DLGAP3: variants seen among roughly 807,000 people sequenced by gnomAD.
DLGAP3 encodes the protein disks large-associated protein 3.
DLGAP3 carries 17 observed loss-of-function variants against 81.2 expected under a neutral mutation model. That is an observed-to-expected ratio of 0.21 (90% CI 0.14 to 0.31). The LOEUF (loss-of-function observed/expected upper bound fraction) is 0.31, where lower values mean the gene tolerates loss of function less well. Among genes scored for constraint, DLGAP3 ranks in the 10% least tolerant of loss-of-function variants. DLGAP3 has a pLI of 1.00. For synonymous variants in DLGAP3, 577 were observed against 587.4 expected (o/e 0.98, Z 0.26); for missense variants, 1,124 against 1,388.0 (o/e 0.81, Z 3.02).
intron 1 of DLGAP3, among the ~76,000 whole-genome samples, chr1:34,908,099 C>T (rs1205599411): frequency 6.6e-6 from 1 of 152,234 alleles, no homozygotes; most frequent in Non-Finnish European, 1.5e-5. Flanking sequence ...ATGTCTGTTT[C>T]GGTTTCTATC....
At chr1:34,905,754 A>T (rs1266802423) in intron 2 of DLGAP3, among the ~76,000 whole-genome samples, 3 of 152,146 alleles carry the variant, frequency 2.0e-5, no homozygotes, top group South Asian at 2.1e-4. Context: ...CTGTACTGCT[A>T]GCACTTTGGG....
rs1639436023 is a variant in DLGAP3 at position 34,900,260 on chromosome 1, T to C, written c.1121A>G (p.Asp374Gly). ...GCCACCGGTGGGGTAACCCCCCCAG[T>C]CATCTTGCGGCACCTGCAGGAACAG... ...TYHYLQVPQD[D>G]WGGYPTGGKD... Residue 374 changes from aspartate to glycine, a missense_variant, in exon 4 of 12, where the codon GAC becomes GGC. By Grantham distance (94) the Asp-to-Gly change is moderately conservative. This residue lies in a region of DLGAP3 where 357 missense variants were observed against 408.8 expected (regional missense o/e 0.87). Transcript: ENST00000373347. The surrounding 1 kb of genome is among the most constrained non-coding windows in gnomAD (Gnocchi z 5.6). 6.2e-7 allele frequency: 1 copy of C among 1,613,926 alleles called. No individual in the cohort carries two copies. Among genetic ancestry groups the C allele is most frequent in the Non-Finnish European group, 8.5e-7 (1 of 1,179,990 alleles).
In DLGAP3 at chr1:34,865,804, T is replaced by G; in HGVS notation, c.*279A>C. ...GAAAGAATGGCAGAGATGGTGCCCA[T>G]GGGGAGGAGGTGGGGACAAAGCGTC... is the stretch of plus-strand genomic sequence containing the variant. On this transcript the variant is annotated 3_prime_UTR_variant, in exon 12 of 12. Coordinates refer to ENST00000373347, the MANE Select transcript of DLGAP3 (RefSeq NM_001080418.3). 474 of 478,584 alleles carry G rather than the reference T, an allele frequency of 9.9e-4. No individual in the cohort carries two copies. Among genetic ancestry groups the G allele is most frequent in the East Asian group, 2.6e-3 (58 of 22,030 alleles). The allele number at this position is 478,584 out of a possible 1,614,324, so 29.6% of individuals were successfully genotyped here.
intron 3 of DLGAP3, among the ~76,000 whole-genome samples, chr1:34,901,262 C>T (rs1557485803): frequency 1.3e-5 from 2 of 151,976 alleles, no homozygotes; most frequent in Non-Finnish European, 2.9e-5. Flanking sequence ...GATCCACTGA[C>T]ATTTAAAAAG....
chr1:34,887,050 G>A (rs994246898), intron 5 of DLGAP3, among the ~76,000 whole-genome samples: 19 of 148,492 alleles, frequency 1.3e-4, no homozygotes, highest in Non-Finnish European at 2.5e-4. Context: ...TGCCTCCCGG[G>A]TTCACCCCAT....
chr1:34,904,210 C>T lies in DLGAP3; in HGVS notation c.1107+67G>A. ...GCTGGCTCCCACCCAACCCTTTCCA[C>T]TGCTCCCTAGTTGACAAGACTGGTG... On this transcript the variant is annotated intron_variant, in intron 3 of 11. Transcript: ENST00000373347. The surrounding 1 kb of genome is among the most constrained non-coding windows in gnomAD (Gnocchi z 8.1). 1.9e-6 allele frequency: 3 copies of T among 1,586,370 alleles called. No individual in the cohort carries two copies. The highest frequency in any genetic ancestry group is 2.2e-5 in the South Asian group (2 of 90,466).
At chr1:34,927,342 G>A (rs773567642) in intron 1 of DLGAP3, among the ~76,000 whole-genome samples, 2 of 152,162 alleles carry the variant, frequency 1.3e-5, no homozygotes, top group Non-Finnish European at 2.9e-5. Flanking sequence ...TCACAAATTC[G>A]TTGTGTGACC....
chr1:34,908,235 T>C (rs1639589172), intron 1 of DLGAP3, among the ~76,000 whole-genome samples: 1 of 152,198 alleles, frequency 6.6e-6, no homozygotes, highest in African/African-American at 2.4e-5. Context: ...AGTAGATGAA[T>C]AAATGGCTGT....
intron 7 of DLGAP3, 98 bp from the exon 8 acceptor site, chr1:34,885,161 G>T: frequency 4.2e-6 from 5 of 1,187,014 alleles, no homozygotes; most frequent in Admixed American, 3.6e-5. Context: ...AAGCCAGCTG[G>T]CAGGTCCTGC....
chr1:34,926,293 G>A (rs1639870645), intron 1 of DLGAP3, among the ~76,000 whole-genome samples: 1 of 152,196 alleles, frequency 6.6e-6, no homozygotes. Context: ...CTGGTAGGAA[G>A]AGATGCTGCA....
In DLGAP3 at chr1:34,869,101, G is replaced by A. The variant is rs950689471; in HGVS notation, c.2001-12C>T. 6 of 1,573,844 alleles carry A rather than the reference G, an allele frequency of 3.8e-6. No individual in the cohort carries two copies. The South Asian group carries it at 6.7e-5, about 18-fold the overall frequency. ...TGAACCTTGCTCGCCTGGGGAGAGG[G>A]GTGGCTGTCATCCCCCATTGCCCAG... On this transcript the variant is annotated splice_polypyrimidine_tract_variant and intron_variant, in intron 8 of 11. Coordinates refer to ENST00000373347, the MANE Select transcript of DLGAP3 (RefSeq NM_001080418.3).
At position 34,886,209 on chromosome 1, in the gene DLGAP3, T is replaced by C; in HGVS notation, c.1463A>G (p.Asp488Gly). Residue 488 changes from aspartate to glycine, a missense_variant, in exon 6 of 12, where the codon GAC (aspartate) becomes GGC (glycine). By Grantham distance (94) the Asp-to-Gly change is moderately conservative. This residue lies in a region of DLGAP3 where 357 missense variants were observed against 408.8 expected (regional missense o/e 0.87). Coordinates refer to ENST00000373347, the MANE Select transcript of DLGAP3 (RefSeq NM_001080418.3). Reference protein sequence around the residue: ...VFGELESQAVDALDLPGCFRM... With the variant: ...VFGELESQAVGALDLPGCFRM... ...GAAACAGCCGGGCAGGTCCAGGGCG[T>C]CCACGGCCTGGGACTCCAGCTCCCC... The C allele has an allele frequency of 5.6e-6, 9 of 1,611,418 alleles. No homozygotes were observed. Among genetic ancestry groups the C allele is most frequent in the Non-Finnish European group, 7.6e-6 (9 of 1,179,352 alleles).
rs1181760273 is a variant in DLGAP3 at position 34,918,265 on chromosome 1, C to T, written c.-134-10828G>A. 2.0e-5 allele frequency among the ~76,000 whole-genome samples: 3 copies of T among 152,228 alleles called. No homozygotes were observed. The East Asian group carries it at 5.8e-4, about 29-fold the overall frequency. On this transcript the variant is annotated intron_variant, in intron 1 of 11. Transcript: ENST00000373347. ...AGAGAGGAGAGGCAGAATCCTCCTT[C>T]CACCCTTCCGAAGTCCTTCCTGCCT...
chr1:34,865,820 A>C lies in DLGAP3; in HGVS notation c.*263T>G. ...TGGTGCCCATGGGGAGGAGGTGGGG[A>C]CAAAGCGTCGGACCAGGTGGGCAGG... On this transcript the variant is annotated 3_prime_UTR_variant, in exon 12 of 12. Coordinates refer to ENST00000373347, the MANE Select transcript of DLGAP3 (RefSeq NM_001080418.3). 1.8e-6 allele frequency: 1 copy of C among 568,186 alleles called. No homozygotes were observed. Among genetic ancestry groups the C allele is most frequent in the Non-Finnish European group, 3.1e-6 (1 of 318,878 alleles). The allele number at this position is 568,186 out of a possible 1,614,324, so 35.2% of individuals were successfully genotyped here.
At chr1:34,899,907 A>T (rs1462251567) in intron 4 of DLGAP3, among the ~76,000 whole-genome samples, 161 bp downstream of exon 4, 1 of 151,946 alleles carries the variant, frequency 6.6e-6, no homozygotes, top group African/African-American at 2.4e-5. Flanking sequence ...GCACCAGAGA[A>T]GGACTCCCAC....
intron 8 of DLGAP3, among the ~76,000 whole-genome samples, chr1:34,878,469 T>C (rs939775119): frequency 8.0e-5 from 12 of 150,690 alleles, no homozygotes; most frequent in African/African-American, 2.9e-4. Context: ...GCAAAAGCCA[T>C]TAGTAAGGAT....
At chr1:34,877,254 A>T (rs1435686371) in intron 8 of DLGAP3, among the ~76,000 whole-genome samples, 4 of 152,212 alleles carry the variant, frequency 2.6e-5, no homozygotes, top group Non-Finnish European at 4.4e-5. Flanking sequence ...GTCGGCAGCC[A>T]AGAAGGTCTG....
chr1:34,872,863 T>C (rs1354048836), intron 8 of DLGAP3, among the ~76,000 whole-genome samples: 1 of 152,154 alleles, frequency 6.6e-6, no homozygotes, highest in Non-Finnish European at 1.5e-5. Context: ...AGAGCCCAGT[T>C]TGAAACCCCA....
chr1:34,889,278 C>A (rs964519640), intron 5 of DLGAP3, among the ~76,000 whole-genome samples: 1 of 152,198 alleles, frequency 6.6e-6, no homozygotes, highest in African/African-American at 2.4e-5. Flanking sequence ...CATACACCCG[C>A]CAGCTCAGCT....
Sources: gnomAD v4.1 joint callset for allele counts (sites outside exome capture counted in the v4.1 genomes callset) on GRCh38, gnomAD v4.1.1 for gene constraint, gnomAD v4.1.1 regional missense constraint, Gnocchi (gnomAD v3.1) non-coding constraint, MANE v1.5 for transcripts, NCBI Gene and HGNC (gene_info 2026-07-23, HGNC 2026-07-21) for gene names.